Variants in SV2B observed in about 807,000 individuals in gnomAD.
SV2B encodes synaptic vesicle glycoprotein 2B, also known as solute carrier family 22 member B2.
A neutral mutation model predicts 73.9 loss-of-function variants in SV2B; 41 were observed. The observed-to-expected ratio is 0.56, with a 90% CI of 0.43 to 0.72. The LOEUF is 0.72. Ranked by LOEUF, SV2B falls within the 30% of genes least tolerant of loss-of-function variation. The probability of loss-of-function intolerance (pLI) is 0.00; values close to 1 mark genes in which losing one functional copy is unlikely to be tolerated. For missense variants in SV2B, 764 were observed against 857.8 expected (o/e 0.89, Z 1.37); for synonymous variants, 314 against 314.2 (o/e 1.00, Z 0.01).
At position 91,124,307 on chromosome 15, in the gene SV2B, C is replaced by A. The variant is rs2042417319; in HGVS notation, c.-392+23944C>A. On this transcript the variant is annotated intron_variant, in intron 1 of 12. Transcript: ENST00000394232. The surrounding 1 kb of genome is among the most constrained non-coding windows in gnomAD (Gnocchi z 4.6). ...TGTGTCTGTGGTGCCAGTGGTGTTTCCTTCTGTGAGGCACGACTTCCCAGG... is the reference window on the plus strand; with the variant it reads ...TGTGTCTGTGGTGCCAGTGGTGTTTACTTCTGTGAGGCACGACTTCCCAGG... 6.6e-6 allele frequency among the ~76,000 whole-genome samples: 1 copy of A among 152,128 alleles called. No individual in the cohort carries two copies. Among genetic ancestry groups the A allele is most frequent in the African/African-American group, 2.4e-5 (1 of 41,426 alleles).
chr15:91,138,712 C>T (rs529514884), intron 1 of SV2B, among the ~76,000 whole-genome samples: 2 of 152,158 alleles, frequency 1.3e-5, no homozygotes, highest in Non-Finnish European at 2.9e-5. Flanking sequence ...TTAAAGTATA[C>T]AGGAAGACCT....
In SV2B at chr15:91,226,165, A is replaced by G; in HGVS notation, c.-99A>G. On this transcript the variant is annotated 5_prime_UTR_variant, in exon 2 of 13. The change abolishes the stop of an existing upstream ORF in the 5' untranslated region. Transcript: ENST00000394232. Reference sequence around the variant, plus strand: ...GTCACATGAACATATTTCACATTTGAACTACATAATGAATGATGGTTATTG... The same window carrying G: ...GTCACATGAACATATTTCACATTTGGACTACATAATGAATGATGGTTATTG... 8.5e-7 allele frequency: 1 copy of G among 1,169,706 alleles called. No homozygotes were observed. The highest frequency in any genetic ancestry group is 1.4e-5 in the South Asian group (1 of 70,666). The allele number at this position is 1,169,706 out of a possible 1,614,324, so 72.5% of individuals were successfully genotyped here. A position where few individuals can be genotyped will look rare whatever the true frequency, so the allele number is the denominator to read the frequency against.
At chr15:91,264,149 G>A (rs1365052332) in intron 6 of SV2B, among the ~76,000 whole-genome samples, 1 of 152,236 alleles carries the variant, frequency 6.6e-6, no homozygotes, top group Non-Finnish European at 1.5e-5. Flanking sequence ...AAGGTTCCAC[G>A]CAGTGGTGCT....
chr15:91,209,289 T>G (rs757915453), intron 1 of SV2B, among the ~76,000 whole-genome samples: 2 of 151,856 alleles, frequency 1.3e-5, no homozygotes, highest in African/African-American at 4.8e-5. Flanking sequence ...GCCCAGCTAA[T>G]TTTTGTATTT....
At chr15:91,180,960 A>T (rs2044530287) in intron 1 of SV2B, among the ~76,000 whole-genome samples, 1 of 152,120 alleles carries the variant, frequency 6.6e-6, no homozygotes, top group South Asian at 2.1e-4. Flanking sequence ...TTGGAGGAGG[A>T]GAGGCGCTCT....
intron 1 of SV2B, among the ~76,000 whole-genome samples, chr15:91,180,614 A>G (rs2044512872): frequency 1.3e-5 from 2 of 151,694 alleles, no homozygotes; most frequent in South Asian, 4.2e-4. Flanking sequence ...TTTTCTCTAA[A>G]CTTCCCTTCT....
At chr15:91,238,778 TTGCCA>T (rs1482923009) in intron 2 of SV2B, among the ~76,000 whole-genome samples, 2 of 152,142 alleles carry the variant, frequency 1.3e-5, no homozygotes, top group Non-Finnish European at 2.9e-5. Flanking sequence ...AGTGGTGACA[TTGCCA>T]TCCTTTGTGT....
In SV2B at chr15:91,214,444, A is replaced by G. The variant is rs142113890; in HGVS notation, c.-391-11429A>G. ...TTCTTGGTGATGGACACTGTGCCAA[A>G]CATTTTGAAAATGTTAACTCATTTA... On this transcript the variant is annotated intron_variant, in intron 1 of 12. Transcript: ENST00000394232. This position sits in a 1 kb window ranked among gnomAD's most constrained non-coding sequence, Gnocchi z 4.7. Among the ~76,000 whole-genome samples the G allele has an allele frequency of 3.7e-3, 570 of 152,330 alleles. No individual in the cohort carries two copies. The highest frequency in any genetic ancestry group is 6.2e-3 in the Non-Finnish European group (423 of 68,034).
intron 1 of SV2B, among the ~76,000 whole-genome samples, chr15:91,183,950 A>G (rs1273475243): frequency 7.0e-6 from 1 of 143,082 alleles, no homozygotes; most frequent in South Asian, 2.4e-4. Flanking sequence ...TGACACCCCA[A>G]ATAATCGCCT....
chr15:91,187,256 A>T (rs2044808635), intron 1 of SV2B, among the ~76,000 whole-genome samples: 1 of 152,224 alleles, frequency 6.6e-6, no homozygotes, highest in African/African-American at 2.4e-5. Flanking sequence ...TTGCAAGTGG[A>T]TTCTTCTTTC....
intron 1 of SV2B, among the ~76,000 whole-genome samples, chr15:91,160,429 G>A (rs139892222): frequency 0.01 from 1,523 of 152,248 alleles, 24 homozygotes; most frequent in African/African-American, 0.033. Context: ...CCAACATAGT[G>A]AAACCCCATC....
chr15:91,174,193 A>G (rs554120664), intron 1 of SV2B, among the ~76,000 whole-genome samples: 1 of 152,364 alleles, frequency 6.6e-6, no homozygotes, highest in Admixed American at 6.5e-5. Flanking sequence ...GACGTGCAAT[A>G]GAACATGAAA....
intron 9 of SV2B, among the ~76,000 whole-genome samples, chr15:91,279,592 A>G (rs976681438): frequency 1.3e-5 from 2 of 152,212 alleles, no homozygotes; most frequent in Non-Finnish European, 2.9e-5. Context: ...CTCTTCCCTT[A>G]TAACTCTGGC....
chr15:91,292,634 C>T lies in SV2B; in HGVS notation c.*82C>T, dbSNP rs972159381. 17 of 1,493,402 alleles carry T rather than the reference C, an allele frequency of 1.1e-5. No individual in the cohort carries two copies. In the African/African-American group the frequency reaches 1.3e-4, roughly 11 times the overall value. 92.5% of individuals were successfully genotyped at this position (1,493,402 alleles called of 1,614,324 possible). ...TCCACACTTCCTGCCTATCACGGTC[C>T]GGAGGACACCTTGGATAGCACGGGA... On this transcript the variant is annotated 3_prime_UTR_variant, in exon 13 of 13. Coordinates refer to ENST00000394232, the MANE Select transcript of SV2B (RefSeq NM_001323032.3).
At chr15:91,275,622 C>T (rs563078578) in intron 9 of SV2B, among the ~76,000 whole-genome samples, 7 of 152,212 alleles carry the variant, frequency 4.6e-5, no homozygotes, top group African/African-American at 7.2e-5. Context: ...CTCAGGAGTT[C>T]GAGACCAGCT....
rs1055864910 is a variant in SV2B, at chr15:91,288,657, CTCCTTCCT to C, written c.1709-853_1709-846del. 6.6e-6 allele frequency among the ~76,000 whole-genome samples: 1 copy of C among 150,886 alleles called. No homozygotes were observed. The highest frequency in any genetic ancestry group is 2.4e-5 in the African/African-American group (1 of 41,028). On this transcript the variant is annotated intron_variant, in intron 11 of 12. Transcript: ENST00000394232. The surrounding 1 kb of genome is among the most constrained non-coding windows in gnomAD (Gnocchi z 5.8). ...CTCTTCTTTCTTTCTCTCTCTCTCTCTCCTTCCTTCCTTCCTTCTTTTTCTCTTTCTTC... is the reference window on the plus strand; with the variant it reads ...CTCTTCTTTCTTTCTCTCTCTCTCTCTCCTTCCTTCTTTTTCTCTTTCTTC...
Position 91,110,966 on chromosome 15 carries a change from G to A in SV2B, c.-392+10603G>A, listed in dbSNP as rs1445210153. On this transcript the variant is annotated intron_variant, in intron 1 of 12. Coordinates refer to ENST00000394232, the MANE Select transcript of SV2B (RefSeq NM_001323032.3). This position sits in a 1 kb window ranked among gnomAD's most constrained non-coding sequence, Gnocchi z 5.4. ...AGAGAAACTCAAATGGGACAATGGA[G>A]AAGTAGATGAGAAAGGGTATATGAA... 6.6e-6 allele frequency among the ~76,000 whole-genome samples: 1 copy of A among 152,230 alleles called. No individual in the cohort carries two copies. Among genetic ancestry groups the A allele is most frequent in the Non-Finnish European group, 1.5e-5 (1 of 68,044 alleles).
chr15:91,260,664 G>C (rs1158955492), intron 6 of SV2B, among the ~76,000 whole-genome samples: 1 of 152,118 alleles, frequency 6.6e-6, no homozygotes, highest in Non-Finnish European at 1.5e-5. Flanking sequence ...ACTTTGGAAG[G>C]CTGTATTAGT....
Position 91,258,467 on chromosome 15 carries a change from AGTGTTTGTCATC to A in SV2B, c.834_845del (p.Phe279_Val282del). On this transcript the variant is annotated inframe_deletion, in exon 5 of 13. Transcript: ENST00000394232. This position sits in a 1 kb window ranked among gnomAD's most constrained non-coding sequence, Gnocchi z 4.7. ...CCAATTACCACTTCCATAGCTGGAG[AGTGTTTGTCATC>A]GTCTGTGCTCTGCCCTGCACCGTGT... The A allele has an allele frequency of 6.2e-7, 1 of 1,613,922 alleles. No individual in the cohort carries two copies. Among genetic ancestry groups the A allele is most frequent in the Non-Finnish European group, 8.5e-7 (1 of 1,179,948 alleles).
Sources: allele counts gnomAD v4.1 joint callset (sites outside exome capture counted in the v4.1 genomes callset), GRCh38; gene constraint gnomAD v4.1.1; non-coding constraint Gnocchi (gnomAD v3.1); transcripts MANE v1.5; gene names NCBI Gene and HGNC (gene_info 2026-07-23, HGNC 2026-07-21).